RPS6KC1: variants seen among roughly 807,000 people sequenced by gnomAD.
RPS6KC1 encodes ribosomal protein S6 kinase C1.
A neutral mutation model predicts 103.8 loss-of-function variants in RPS6KC1; 54 were observed. That is an observed-to-expected ratio of 0.52 (90% CI 0.42 to 0.65). The LOEUF (loss-of-function observed/expected upper bound fraction) is 0.65, where lower values mean the gene tolerates loss of function less well. RPS6KC1 is among the 30% of genes least tolerant of loss of function. The pLI is 0.00. For synonymous variants in RPS6KC1, 439 were observed against 438.7 expected (o/e 1.00, Z -0.01); for missense variants, 1,151 against 1,253.8 (o/e 0.92, Z 1.24).
At position 213,104,576 on chromosome 1, in the gene RPS6KC1, T is replaced by C. The variant is rs755832407; in HGVS notation, c.378+7T>C. 90 of 1,465,062 alleles carry C rather than the reference T, an allele frequency of 6.1e-5. 1 individual carries two copies. Among genetic ancestry groups the C allele is most frequent in the Non-Finnish European group, 9.5e-6 (10 of 1,057,826 alleles). The allele number at this position is 1,465,062 out of a possible 1,614,324, so 90.8% of individuals were successfully genotyped here. A position where few individuals can be genotyped will look rare whatever the true frequency, so the allele number is the denominator to read the frequency against. Reference sequence around the variant, plus strand: ...GCTTGAAGACTTTTTCAAGGTTTGGTAGTCTTTCTGGAATATTTTATATCT... The same window carrying C: ...GCTTGAAGACTTTTTCAAGGTTTGGCAGTCTTTCTGGAATATTTTATATCT... On this transcript the variant is annotated splice_region_variant and intron_variant, in intron 4 of 14. Coordinates refer to ENST00000366960, the MANE Select transcript of RPS6KC1 (RefSeq NM_012424.6).
intron 1 of RPS6KC1, among the ~76,000 whole-genome samples, chr1:213,060,276 A>G (rs2148342989): frequency 6.6e-6 from 1 of 152,336 alleles, no homozygotes; most frequent in African/African-American, 2.4e-5. Flanking sequence ...AATGTCTGAT[A>G]TTAAGGCAGT....
At chr1:213,397,626 CAG>C in the RPS6KC1 span, among the ~76,000 whole-genome samples, 1 of 148,824 alleles carries the variant, frequency 6.7e-6, no homozygotes, top group African/African-American at 2.5e-5. Context: ...CACACACACA[CAG>C]ACACTTTGAG....
At chr1:213,056,004 A>G (rs2077304080) in intron 1 of RPS6KC1, among the ~76,000 whole-genome samples, 1 of 152,138 alleles carries the variant, frequency 6.6e-6, no homozygotes, top group South Asian at 2.1e-4. Context: ...CTTGGGTTCA[A>G]GTGTTACTCC....
chr1:213,854,516 CT>C, the RPS6KC1 span, among the ~76,000 whole-genome samples: 1 of 78,816 alleles, frequency 1.3e-5, no homozygotes. Context: ...CTTTCTCTTT[CT>C]TTCTTTCTTT....
At chr1:213,280,566 A>C in the RPS6KC1 span, among the ~76,000 whole-genome samples, 1 of 152,158 alleles carries the variant, frequency 6.6e-6, no homozygotes, top group East Asian at 1.9e-4. Flanking sequence ...TTTTCTTTAA[A>C]ACTGGGGAAC....
the RPS6KC1 span, among the ~76,000 whole-genome samples, chr1:213,709,981 A>G: frequency 6.6e-6 from 1 of 152,212 alleles, no homozygotes; most frequent in Non-Finnish European, 1.5e-5. Context: ...AGTCCTGAGA[A>G]CAATGTATAT....
At chr1:213,518,181 C>T in the RPS6KC1 span, among the ~76,000 whole-genome samples, 2 of 152,254 alleles carry the variant, frequency 1.3e-5, no homozygotes, top group South Asian at 4.1e-4. Flanking sequence ...TCTATGTTGT[C>T]GTCATAATGG....
chr1:213,088,225 C>G (rs2080609107), intron 3 of RPS6KC1, among the ~76,000 whole-genome samples: 1 of 152,192 alleles, frequency 6.6e-6, no homozygotes, highest in Non-Finnish European at 1.5e-5. Flanking sequence ...CCAACCACAC[C>G]TTCTCTACAG....
chr1:213,100,679 T>C (rs1256578769), intron 3 of RPS6KC1, among the ~76,000 whole-genome samples: 2 of 152,188 alleles, frequency 1.3e-5, no homozygotes, highest in African/African-American at 4.8e-5. Context: ...AGTGAGAACA[T>C]GTGGTATTTG....
chr1:213,515,268 T>C, the RPS6KC1 span, among the ~76,000 whole-genome samples: 7 of 152,168 alleles, frequency 4.6e-5, no homozygotes, highest in East Asian at 1.9e-4. Flanking sequence ...CTTTTGTTGC[T>C]ATTGCTTTTG....
At position 213,154,434 on chromosome 1, in the gene RPS6KC1, T is replaced by C. The variant is rs541237253; in HGVS notation, c.836-13424T>C. Among the ~76,000 whole-genome samples, 5 of 152,344 alleles carry C rather than the reference T, an allele frequency of 3.3e-5. No individual in the cohort carries two copies. The East Asian group carries it at 7.7e-4, about 24-fold the overall frequency. ...AACCTTAGAAGTCTACCCGGTGTTA[T>C]CTTGTATTGCACTGTTGGGGCACTC... On this transcript the variant is annotated intron_variant, in intron 6 of 14. Transcript: ENST00000366960.
At chr1:213,152,126 C>T (rs1302684847) in intron 6 of RPS6KC1, among the ~76,000 whole-genome samples, 12 of 121,098 alleles carry the variant, frequency 9.9e-5, no homozygotes, top group South Asian at 2.8e-4. Flanking sequence ...CCAGTAGGGG[C>T]GGCCGGGCAG....
At chr1:213,218,863 A>C (rs1037571805) in intron 8 of RPS6KC1, among the ~76,000 whole-genome samples, 7 of 152,242 alleles carry the variant, frequency 4.6e-5, no homozygotes, top group Non-Finnish European at 1.0e-4. Context: ...CTTATAAAAA[A>C]ATTAAATTTG....
At position 213,129,689 on chromosome 1, in the gene RPS6KC1, A is replaced by C; in HGVS notation, c.635A>C (p.Glu212Ala). The C allele has an allele frequency of 6.2e-7, 1 of 1,614,058 alleles. No individual in the cohort carries two copies. The highest frequency in any genetic ancestry group is 1.1e-5 in the South Asian group (1 of 91,074). ...CTAGGGGCTGTTGCTTCTGACAGTGAACAGAGCAAAACAGAAGAAGAACGG... is the reference window on the plus strand; with the variant it reads ...CTAGGGGCTGTTGCTTCTGACAGTGCACAGAGCAAAACAGAAGAAGAACGG... ...SALGAVASDS[E>A]QSKTEEERES... The change falls in exon 6 of 15, where the codon GAA becomes GCA. Residue 212 changes from glutamate (E) to alanine (A), a missense_variant. Physicochemically the swap from Glu to Ala is moderately radical, Grantham distance 107 (BLOSUM62 -1). Coordinates refer to ENST00000366960, the MANE Select transcript of RPS6KC1 (RefSeq NM_012424.6).
chr1:213,068,626 A>G (rs1243088499), intron 1 of RPS6KC1, among the ~76,000 whole-genome samples: 1 of 151,936 alleles, frequency 6.6e-6, no homozygotes, highest in African/African-American at 2.4e-5. Flanking sequence ...AGATTTGAAT[A>G]ATGTATAGTT....
At chr1:213,628,394 T>C in the RPS6KC1 span, among the ~76,000 whole-genome samples, 1 of 152,232 alleles carries the variant, frequency 6.6e-6, no homozygotes, top group Non-Finnish European at 1.5e-5. Context: ...ATGGATTTTT[T>C]GAAGGGTTTT....
chr1:213,808,429 C>T, the RPS6KC1 span, among the ~76,000 whole-genome samples: 3 of 152,236 alleles, frequency 2.0e-5, no homozygotes, highest in East Asian at 3.9e-4. Context: ...GTGGTGGGCT[C>T]CACCCAGTTG....
intron 12 of RPS6KC1, among the ~76,000 whole-genome samples, chr1:213,260,284 A>C (rs999496725): frequency 1.3e-5 from 2 of 152,224 alleles, no homozygotes; most frequent in African/African-American, 4.8e-5. Context: ...GTGATTTGGC[A>C]TGAAGCACTT....
chr1:213,154,297 C>T (rs1397683067), intron 6 of RPS6KC1, among the ~76,000 whole-genome samples: 1 of 152,238 alleles, frequency 6.6e-6, no homozygotes, highest in African/African-American at 2.4e-5. Context: ...ACTCTGCAGT[C>T]AGCAGGCAGC....
Sources: allele counts gnomAD v4.1 joint callset (sites outside exome capture counted in the v4.1 genomes callset), GRCh38; gene constraint gnomAD v4.1.1; transcripts MANE v1.5; gene names NCBI Gene and HGNC (gene_info 2026-07-23, HGNC 2026-07-21).